Variants in DOCK7 observed in about 807,000 individuals in gnomAD.
DOCK7 encodes dedicator of cytokinesis 7.
DOCK7 carries 138 observed loss-of-function variants against 271.0 expected under a neutral mutation model. The ratio of observed to expected loss-of-function variants is 0.51; its 90% confidence interval spans 0.44 to 0.59. DOCK7 has a LOEUF of 0.59. DOCK7 is among the 20% of genes least tolerant of loss of function. The pLI is 0.00. For missense variants in DOCK7, 2,066 were observed against 2,592.4 expected, an observed-to-expected ratio of 0.80 and a Z score of 4.41; for synonymous variants, 823 against 876.1, an observed-to-expected ratio of 0.94 and a Z score of 1.07.
intron 1 of DOCK7, among the ~76,000 whole-genome samples, chr1:62,673,782 A>T (rs1660256419): frequency 6.6e-6 from 1 of 152,040 alleles, no homozygotes; most frequent in African/African-American, 2.4e-5. Flanking sequence ...TACAACATCT[A>T]CCTACAAATA....
rs769008826 is a variant in DOCK7 at position 62,647,716 on chromosome 1, G to A, written c.793C>T (p.Leu265Phe). ...DIPKEHFGQR[L>F]LVKCLSLKFE... ...TTGAGTGATAAGCATTTTACAAGAA[G>A]TCTTTGACCAAAATGTTCTTTGGGT... The change falls in exon 7 of 50, where the codon CTT (leucine) becomes TTT (phenylalanine). Residue 265 changes from leucine (L) to phenylalanine (F), a missense_variant. By Grantham distance (22) the Leu-to-Phe change is conservative (BLOSUM62 0). This residue lies in a region of DOCK7 where 1,414 missense variants were observed against 1,670.4 expected (regional missense o/e 0.85). Transcript: ENST00000635253. 1 of 1,607,500 alleles carries A rather than the reference G, an allele frequency of 6.2e-7. No individual in the cohort carries two copies. Among genetic ancestry groups the A allele is most frequent in the South Asian group, 1.1e-5 (1 of 89,562 alleles).
intron 7 of DOCK7, chr1:62,641,494 G>A (rs983160983): frequency 1.4e-5 from 6 of 443,544 alleles, no homozygotes; most frequent in Non-Finnish European, 2.3e-5. Flanking sequence ...AAAAGAGGTG[G>A]CTGGGGGCTT....
chr1:62,625,181 T>C, intron 12 of DOCK7, 78 bp downstream of exon 12: 1 of 1,471,228 alleles, frequency 6.8e-7, no homozygotes, highest in African/African-American at 1.4e-5. Context: ...ACATGTATAG[T>C]ACAATCACTA....
chr1:62,476,097 A>G lies in DOCK7; in HGVS notation c.5694T>C (p.Pro1898=). The G allele has an allele frequency of 6.2e-7, 1 of 1,613,388 alleles. No individual in the cohort carries two copies. Among genetic ancestry groups the G allele is most frequent in the Non-Finnish European group, 8.5e-7 (1 of 1,179,606 alleles). Residue 1898 remains proline (P), a synonymous_variant, in exon 45 of 50, where the codon CCT becomes CCC. Coordinates refer to ENST00000635253, the MANE Select transcript of DOCK7 (RefSeq NM_001367561.1). The part of the protein sequence containing the change: ...DVVEVIKDSN[P]VDKCKLDPNK... ...TAGGATCTAATTTACACTTGTCTAC[A>G]GGATTAGAGTCTTTGATTACTTCAA... is the stretch of plus-strand genomic sequence containing the variant.
chr1:62,586,260 T>G (rs1231061868), intron 15 of DOCK7, among the ~76,000 whole-genome samples: 4 of 152,176 alleles, frequency 2.6e-5, no homozygotes. Context: ...GTATTCATTT[T>G]ATATCCTCTG....
chr1:62,640,886 T>C (rs1655937959), intron 7 of DOCK7, among the ~76,000 whole-genome samples: 1 of 152,240 alleles, frequency 6.6e-6, no homozygotes, highest in Admixed American at 6.5e-5. Flanking sequence ...TCTAAAATTC[T>C]TTCATGAACA....
intron 10 of DOCK7, 61 bp downstream of exon 10, chr1:62,633,437 T>C (rs922672028): frequency 2.2e-5 from 28 of 1,270,832 alleles, no homozygotes; most frequent in Middle Eastern, 1.9e-4. Context: ...ATTGGGAGAA[T>C]AGTATTCTCC....
At chr1:62,620,330 T>TA (rs1557813966) in intron 12 of DOCK7, among the ~76,000 whole-genome samples, 2 of 150,288 alleles carry the variant, frequency 1.3e-5, no homozygotes, top group Admixed American at 6.6e-5. Flanking sequence ...TAAAAATAAA[T>TA]AAATAAATAA....
Position 62,578,817 on chromosome 1 carries a change from A to G in DOCK7, c.2010+11T>C, listed in dbSNP as rs746471620. 2 of 1,583,010 alleles carry G rather than the reference A, an allele frequency of 1.3e-6. No individual in the cohort carries two copies. Among genetic ancestry groups the G allele is most frequent in the Admixed American group, 3.8e-5 (2 of 53,100 alleles). On this transcript the variant is annotated intron_variant, in intron 17 of 49. Coordinates refer to ENST00000635253, the MANE Select transcript of DOCK7 (RefSeq NM_001367561.1). ...GCTCTTTGATCTAAATATTGAACCA[A>G]AAGGACTCACTGTATATCCAACTGG... is the stretch of plus-strand genomic sequence containing the variant.
At chr1:62,481,934 T>A (rs1307103162) in intron 43 of DOCK7, 1 of 152,236 alleles carries the variant, frequency 6.6e-6, no homozygotes, top group Non-Finnish European at 1.5e-5. Context: ...GATTTCCATA[T>A]AGGCATACCA....
chr1:62,475,131 A>T (rs1382551365), intron 47 of DOCK7, 77 bp downstream of exon 47: 11 of 1,457,596 alleles, frequency 7.5e-6, no homozygotes, highest in Non-Finnish European at 9.1e-6. Flanking sequence ...ATCTGACTTA[A>T]CAATTATTTC....
At chr1:62,656,862 AC>A (rs1226117591) in intron 2 of DOCK7, among the ~76,000 whole-genome samples, 5 of 152,174 alleles carry the variant, frequency 3.3e-5, no homozygotes, top group Admixed American at 2.0e-4. Context: ...GCCTGACAAA[AC>A]AAAAAACATT....
At chr1:62,618,606 A>C (rs1557810534) in intron 14 of DOCK7, 100 bp downstream of exon 14, 1 of 1,102,462 alleles carries the variant, frequency 9.1e-7, no homozygotes, top group Admixed American at 2.5e-5. Flanking sequence ...TTAAGTAACA[A>C]AACTACTTAA....
intron 14 of DOCK7, chr1:62,602,033 T>C (rs1650204378): frequency 1.6e-6 from 1 of 615,988 alleles, no homozygotes; most frequent in African/African-American, 1.8e-5. Context: ...CTTGTTTATG[T>C]ATTTACTCAA....
In DOCK7 at chr1:62,495,506, T is replaced by A. The variant is rs1056877130; in HGVS notation, c.5024+75A>T. 4.1e-5 allele frequency: 36 copies of A among 873,668 alleles called. No individual in the cohort carries two copies. The East Asian group carries it at 7.7e-4, about 19-fold the overall frequency. 54.1% of individuals were successfully genotyped at this position (873,668 alleles called of 1,614,324 possible). ...TCACAAATCATTTTTGTGTGTTTAT[T>A]TTTTTCATCTAATGCTTACTGTATG... On this transcript the variant is annotated intron_variant, in intron 39 of 49. Coordinates refer to ENST00000635253, the MANE Select transcript of DOCK7 (RefSeq NM_001367561.1).
chr1:62,512,319 T>A (rs538337642), intron 33 of DOCK7, among the ~76,000 whole-genome samples: 37 of 152,328 alleles, frequency 2.4e-4, no homozygotes, highest in African/African-American at 8.7e-4. Context: ...AACAGTATTG[T>A]CTGTATGTCA....
Position 62,495,589 on chromosome 1 carries a change from T to A in DOCK7, c.5016A>T (p.Leu1672=). 1.3e-6 allele frequency: 2 copies of A among 1,584,032 alleles called. No homozygotes were observed. The highest frequency in any genetic ancestry group is 1.7e-6 in the Non-Finnish European group (2 of 1,171,664). The change falls in exon 39 of 50, where the codon CTA becomes CTT. Residue 1672 remains leucine (L), a synonymous_variant. Coordinates refer to ENST00000635253, the MANE Select transcript of DOCK7 (RefSeq NM_001367561.1). The stretch of plus-strand genomic sequence containing the variant: ...AATCAAATAAATGCTACCTGTACAT[T>A]AGATCAATCAACATTTCAGGATCCT... The part of the protein sequence containing the change: ...HQEDPEMLID[L]MYRIAKGYQT...
Position 62,615,840 on chromosome 1 carries a change from G to A in DOCK7, c.1682+2866C>T, listed in dbSNP as rs115811599. On this transcript the variant is annotated intron_variant, in intron 14 of 49. Coordinates refer to ENST00000635253, the MANE Select transcript of DOCK7 (RefSeq NM_001367561.1). ...GTCCAAACTAAAGGCACTGAGATAC[G>A]TTAAATGATCTCTCAACATCATTCT... 7.6e-3 allele frequency among the ~76,000 whole-genome samples: 1,151 copies of A among 151,752 alleles called. 15 individuals are homozygous for A. Among genetic ancestry groups the A allele is most frequent in the African/African-American group, 0.026 (1,075 of 41,470 alleles).
intron 14 of DOCK7, chr1:62,597,538 G>C (rs775532151): frequency 1.9e-6 from 3 of 1,610,956 alleles, no homozygotes; most frequent in Admixed American, 1.7e-5. Context: ...ACAGTTCCAC[G>C]TTGCTTGAAA....
Sources: gnomAD v4.1 joint callset for allele counts (sites outside exome capture counted in the v4.1 genomes callset) on GRCh38, gnomAD v4.1.1 for gene constraint, gnomAD v4.1.1 regional missense constraint, MANE v1.5 for transcripts, NCBI Gene and HGNC (gene_info 2026-07-23, HGNC 2026-07-21) for gene names.